TMED3: variants seen among roughly 807,000 people sequenced by gnomAD.
TMED3 encodes transmembrane p24 trafficking protein 3.
TMED3 carries 9 observed loss-of-function variants against 15.0 expected under a neutral mutation model. The ratio of observed to expected loss-of-function variants is 0.60; its 90% confidence interval spans 0.36 to 1.04. The LOEUF (loss-of-function observed/expected upper bound fraction) is 1.04. Among genes scored for constraint, TMED3 ranks in the 50% least tolerant of loss-of-function variants. The pLI is 0.01. For missense variants in TMED3, 267 were observed against 278.9 expected (o/e 0.96, Z 0.30); for synonymous variants, 117 against 121.4 (o/e 0.96, Z 0.24).
In TMED3 at chr15:79,311,337, A is replaced by T; in HGVS notation, c.88A>T (p.Thr30Ser). The T allele has an allele frequency of 1.9e-6, 3 of 1,611,276 alleles. No individual in the cohort carries two copies. Among genetic ancestry groups the T allele is most frequent in the Non-Finnish European group, 2.5e-6 (3 of 1,179,234 alleles). Reference protein sequence around the residue: ...RAEQPCGAELTFELPDNAKQC... With the variant: ...RAEQPCGAELSFELPDNAKQC... ...CGAGCAGCCCTGCGGGGCCGAGCTC[A>T]CCTTCGAGCTGCCGGACAACGCCAA... The change falls in exon 1 of 3, where the codon ACC (threonine) becomes TCC (serine). Residue 30 changes from threonine to serine, a missense_variant. Transcript: ENST00000299705.
At chr15:79,344,837 G>A (rs2058863549) in intron 2 of TMED3, among the ~76,000 whole-genome samples, 1 of 152,180 alleles carries the variant, frequency 6.6e-6, no homozygotes, top group East Asian at 1.9e-4. Flanking sequence ...TGAGCCCAGT[G>A]AGATGAGGCA....
At chr15:79,401,150 A>C (rs1480430663) in intron 2 of TMED3, among the ~76,000 whole-genome samples, 2 of 152,154 alleles carry the variant, frequency 1.3e-5, no homozygotes, top group Non-Finnish European at 2.9e-5. Flanking sequence ...CAGTGCCTAG[A>C]ATATTTCCTG....
chr15:79,412,810 C>G (rs1394338345), exon 3 of TMED3: 1 of 152,354 alleles, frequency 6.6e-6, no homozygotes, highest in Non-Finnish European at 1.5e-5. Context: ...CTGGCACCAC[C>G]CATTGGAGTG....
intron 2 of TMED3, among the ~76,000 whole-genome samples, chr15:79,356,562 AAC>A (rs1197400638): frequency 1.1e-4 from 17 of 152,206 alleles, no homozygotes; most frequent in Non-Finnish European, 1.5e-5. Context: ...ATGAACAACA[AAC>A]ACATACATTC....
chr15:79,325,758 G>C (rs181402398), downstream of TMED3, among the ~76,000 whole-genome samples: 846 of 152,232 alleles, frequency 5.6e-3, 5 homozygotes, highest in Middle Eastern at 0.017. Flanking sequence ...GCAGACCACT[G>C]GTATAAGTCC....
At chr15:79,314,522 T>C (rs1481206066) in intron 2 of TMED3, 8 of 455,304 alleles carry the variant, frequency 1.8e-5, no homozygotes, top group Non-Finnish European at 3.1e-5. Flanking sequence ...TTTCTTGTCA[T>C]CTTTCTGTCT....
At chr15:79,321,420 T>C (rs1203513648) in intron 2 of TMED3, among the ~76,000 whole-genome samples, 1 of 152,260 alleles carries the variant, frequency 6.6e-6, no homozygotes, top group Non-Finnish European at 1.5e-5. Context: ...TGCATGTGTG[T>C]GCATGTGCTT....
chr15:79,327,060 T>G (rs547893869), downstream of TMED3, among the ~76,000 whole-genome samples: 2 of 152,078 alleles, frequency 1.3e-5, no homozygotes, highest in Non-Finnish European at 2.9e-5. Flanking sequence ...TGGGAACTAA[T>G]AGAGTAAGAG....
chr15:79,317,918 G>T (rs370870134), intron 2 of TMED3, among the ~76,000 whole-genome samples: 2 of 152,198 alleles, frequency 1.3e-5, no homozygotes, highest in East Asian at 3.8e-4. Flanking sequence ...GCAGATTCTC[G>T]TAAAGTGGGA....
intron 2 of TMED3, among the ~76,000 whole-genome samples, chr15:79,349,270 A>G (rs929424505): frequency 1.3e-5 from 2 of 152,236 alleles, no homozygotes; most frequent in Admixed American, 6.5e-5. Flanking sequence ...AGATTTAATT[A>G]TTCCACAATG....
rs376119130 is a variant in TMED3, at chr15:79,339,650, G to T, written c.417+25645G>T. ...TGGTGGCGGCAGTGCAGCTGCTAGCGGGTGGTGATGACAGAGGAGTGGTAG... is the reference window on the plus strand; with the variant it reads ...TGGTGGCGGCAGTGCAGCTGCTAGCTGGTGGTGATGACAGAGGAGTGGTAG... On this transcript the variant is annotated intron_variant, in intron 2 of 2. Transcript: ENST00000424155. 1.2e-4 allele frequency among the ~76,000 whole-genome samples: 18 copies of T among 152,266 alleles called. No homozygotes were observed. In the East Asian group the frequency reaches 3.1e-3, roughly 26 times the overall value.
chr15:79,397,406 A>T (rs1407953995), intron 2 of TMED3, among the ~76,000 whole-genome samples: 1 of 152,098 alleles, frequency 6.6e-6, no homozygotes, highest in Non-Finnish European at 1.5e-5. Context: ...ACATGGAAAG[A>T]CGACAAACAG....
intron 2 of TMED3, chr15:79,384,002 A>C (rs1444689262): frequency 6.6e-6 from 1 of 152,090 alleles, no homozygotes; most frequent in Non-Finnish European, 1.5e-5. Context: ...GGAGAAACCT[A>C]CCTCCCATCA....
Position 79,342,359 on chromosome 15 carries a change from T to C in TMED3, c.417+28354T>C, listed in dbSNP as rs1274503696. On this transcript the variant is annotated intron_variant, in intron 2 of 2. Transcript: ENST00000424155. ...ATTTGAAGAAGGGTTGGCAAAGATA[T>C]ACTATGTGAACAGAAAGAAAAATAA... Among the ~76,000 whole-genome samples the C allele has an allele frequency of 2.0e-5, 3 of 152,222 alleles. No homozygotes were observed. In the East Asian group the frequency reaches 5.8e-4, roughly 29 times the overall value.
chr15:79,351,204 C>A (rs906726957), intron 2 of TMED3, among the ~76,000 whole-genome samples: 3 of 152,132 alleles, frequency 2.0e-5, no homozygotes, highest in Non-Finnish European at 4.4e-5. Context: ...ACTAACTGGT[C>A]AGGTGACCAT....
intron 2 of TMED3, chr15:79,314,703 A>G: frequency 2.7e-6 from 1 of 371,824 alleles, no homozygotes. Flanking sequence ...AAGGCTGGCA[A>G]GTAGAGCCTT....
At chr15:79,364,221 C>G (rs184071545) in intron 2 of TMED3, among the ~76,000 whole-genome samples, 18 of 152,264 alleles carry the variant, frequency 1.2e-4, no homozygotes, top group Admixed American at 1.3e-4. Flanking sequence ...GTATAAGGCA[C>G]GAATTCCTGG....
intron 2 of TMED3, among the ~76,000 whole-genome samples, chr15:79,393,678 T>C (rs1893725381): frequency 6.6e-6 from 1 of 151,952 alleles, no homozygotes; most frequent in African/African-American, 2.4e-5. Flanking sequence ...GGAGTCCCAT[T>C]TGGTTCATCT....
At chr15:79,359,259 G>C (rs1893078224) in intron 2 of TMED3, among the ~76,000 whole-genome samples, 1 of 139,044 alleles carries the variant, frequency 7.2e-6, no homozygotes, top group Non-Finnish European at 1.5e-5. Context: ...TTGAGACGGA[G>C]TCTTGCTCTA....
Sources: allele counts gnomAD v4.1 joint callset (sites outside exome capture counted in the v4.1 genomes callset), GRCh38; gene constraint gnomAD v4.1.1; transcripts MANE v1.5; gene names NCBI Gene and HGNC (gene_info 2026-07-23, HGNC 2026-07-21).